GALNTL6: variants seen among roughly 807,000 people sequenced by gnomAD.
The protein encoded by GALNTL6 is polypeptide N-acetylgalactosaminyltransferase like 6, also known as polypeptide N-acetylgalactosaminyltransferase-like 6.
Under a neutral mutation model 73.7 loss-of-function variants are expected in GALNTL6, and 46 were observed. The observed-to-expected ratio is 0.62, with a 90% CI of 0.49 to 0.80. The LOEUF is 0.80. Ranked by LOEUF, GALNTL6 falls within the 30% of genes least tolerant of loss-of-function variation. The pLI is 0.00. For synonymous variants in GALNTL6, 259 were observed against 263.7 expected, an observed-to-expected ratio of 0.98 and a Z score of 0.17; for missense variants, 604 against 755.0, an observed-to-expected ratio of 0.80 and a Z score of 2.34.
chr4:172,239,279 A>G (rs955527572), intron 3 of GALNTL6, among the ~76,000 whole-genome samples: 1 of 152,084 alleles, frequency 6.6e-6, no homozygotes, highest in Non-Finnish European at 1.5e-5. Context: ...AGAATCAATT[A>G]TTGGTCTATT....
chr4:172,164,083 T>C (rs947059969), intron 2 of GALNTL6, among the ~76,000 whole-genome samples: 5 of 151,944 alleles, frequency 3.3e-5, no homozygotes, highest in African/African-American at 1.2e-4. Flanking sequence ...AACAGGGAGT[T>C]GATTATCTGG....
intron 2 of GALNTL6, among the ~76,000 whole-genome samples, chr4:171,865,472 C>T (rs573533976): frequency 1.3e-5 from 2 of 152,192 alleles, no homozygotes; most frequent in East Asian, 3.9e-4. Context: ...TGATGATATC[C>T]ATCAGTAATT....
chr4:172,026,779 C>T (rs1032986854), intron 2 of GALNTL6, among the ~76,000 whole-genome samples: 1 of 152,148 alleles, frequency 6.6e-6, no homozygotes. Flanking sequence ...TTGATTTGAA[C>T]ATTTTATGCA....
intron 2 of GALNTL6, among the ~76,000 whole-genome samples, chr4:172,029,576 A>G (rs1227721397): frequency 6.6e-6 from 1 of 152,064 alleles, no homozygotes; most frequent in Non-Finnish European, 1.5e-5. Context: ...TTGTTTCTGG[A>G]AAGTATTTCC....
intron 7 of GALNTL6, among the ~76,000 whole-genome samples, chr4:172,863,307 C>T (rs544435210): frequency 6.6e-6 from 1 of 152,250 alleles, no homozygotes; most frequent in Admixed American, 6.5e-5. Flanking sequence ...GATCCACTCA[C>T]AGCTTCCACC....
In GALNTL6 at chr4:171,985,704, C is replaced by G. The variant is rs552848262; in HGVS notation, c.138+170986C>G. Among the ~76,000 whole-genome samples the G allele has an allele frequency of 5.9e-5, 9 of 151,672 alleles. No individual in the cohort carries two copies. The East Asian group carries it at 1.7e-3, about 29-fold the overall frequency. On this transcript the variant is annotated intron_variant, in intron 2 of 12. Coordinates refer to ENST00000506823, the MANE Select transcript of GALNTL6 (RefSeq NM_001034845.3). ...AAAGCCTTTTAAAAATTAGGGCTGT[C>G]ACTGAAAATCTGGGAAATTTGGTAA...
intron 5 of GALNTL6, among the ~76,000 whole-genome samples, chr4:172,481,396 A>C (rs769069137): frequency 1.3e-5 from 2 of 151,984 alleles, no homozygotes; most frequent in Non-Finnish European, 2.9e-5. Context: ...AAAAGAGCAA[A>C]GCTTCCACAG....
At chr4:171,834,573 A>C (rs1735053198) in intron 2 of GALNTL6, among the ~76,000 whole-genome samples, 1 of 151,974 alleles carries the variant, frequency 6.6e-6, no homozygotes, top group African/African-American at 2.4e-5. Context: ...CATTTCATTT[A>C]CTGAGAGGAT....
intron 2 of GALNTL6, among the ~76,000 whole-genome samples, chr4:171,824,202 G>A (rs1734767310): frequency 6.6e-6 from 1 of 150,848 alleles, no homozygotes; most frequent in Admixed American, 6.6e-5. Flanking sequence ...ATCAACTATT[G>A]AGATTATATG....
chr4:172,828,889 G>A lies in GALNTL6; in HGVS notation c.923+15166G>A, dbSNP rs80209803. ...CTTCCATAACAAAGTACTACAAACT[G>A]AGAGGCTTGAAGTAAGTGAAACTTG... On this transcript the variant is annotated intron_variant, in intron 7 of 12. Coordinates refer to ENST00000506823, the MANE Select transcript of GALNTL6 (RefSeq NM_001034845.3). Among the ~76,000 whole-genome samples the A allele has an allele frequency of 3.5e-4, 53 of 152,310 alleles. 1 individual carries two copies. The East Asian group carries it at 9.6e-3, about 28-fold the overall frequency.
intron 2 of GALNTL6, among the ~76,000 whole-genome samples, chr4:171,890,948 A>C (rs190394686): frequency 2.4e-3 from 370 of 152,204 alleles, no homozygotes; most frequent in Admixed American, 4.4e-3. Flanking sequence ...AAATAACTTC[A>C]TGTTGTCGTC....
At chr4:172,256,841 T>TA (rs1461931255) in intron 3 of GALNTL6, among the ~76,000 whole-genome samples, 1 of 151,434 alleles carries the variant, frequency 6.6e-6, no homozygotes, top group Admixed American at 6.6e-5. Context: ...CACTAGAACA[T>TA]ACTCTCTGTG....
At chr4:172,323,204 G>T (rs1238907909) in intron 4 of GALNTL6, among the ~76,000 whole-genome samples, 34 of 152,104 alleles carry the variant, frequency 2.2e-4, no homozygotes, top group Admixed American at 2.2e-3. Context: ...AGGGATAACT[G>T]CATGGATAAA....
chr4:171,838,108 C>CTATT (rs57493491), intron 2 of GALNTL6, among the ~76,000 whole-genome samples: 51,954 of 149,438 alleles, frequency 0.35, 9,643 homozygotes, highest in African/African-American at 0.48. Context: ...TTGTTTCTGT[C>CTATT]TATTTATTTA....
At chr4:172,384,766 T>G (rs1283492590) in intron 5 of GALNTL6, among the ~76,000 whole-genome samples, 1 of 152,088 alleles carries the variant, frequency 6.6e-6, no homozygotes, top group East Asian at 1.9e-4. Context: ...TTTAGCTGCA[T>G]CCCAAAAGGT....
intron 2 of GALNTL6, among the ~76,000 whole-genome samples, chr4:172,156,538 AT>A (rs1734271989): frequency 1.4e-5 from 1 of 71,682 alleles, no homozygotes; most frequent in African/African-American, 6.6e-5. Flanking sequence ...ACATATATAT[AT>A]AATATATATA....
chr4:172,861,319 A>ATGTGTG lies in GALNTL6; in HGVS notation c.924-21439_924-21434dup, dbSNP rs10664817. Among the ~76,000 whole-genome samples, 976 of 146,350 alleles carry ATGTGTG rather than the reference A, an allele frequency of 6.7e-3. 3 individuals are homozygous for ATGTGTG. Among genetic ancestry groups the ATGTGTG allele is most frequent in the Non-Finnish European group, 8.6e-3 (577 of 67,318 alleles). The stretch of plus-strand genomic sequence containing the variant: ...GTTGTCTGGCTTGGTTTTTGCTTAC[A>ATGTGTG]TGTGTGTGTGTGTGTGTGTGTGTGT... On this transcript the variant is annotated intron_variant, in intron 7 of 12. Coordinates refer to ENST00000506823, the MANE Select transcript of GALNTL6 (RefSeq NM_001034845.3).
intron 2 of GALNTL6, among the ~76,000 whole-genome samples, chr4:172,032,890 T>A (rs1244214003): frequency 1.3e-5 from 2 of 152,088 alleles, no homozygotes; most frequent in Admixed American, 1.3e-4. Flanking sequence ...AGATATCTTA[T>A]TTCCATTTAA....
intron 5 of GALNTL6, among the ~76,000 whole-genome samples, chr4:172,486,329 T>A (rs916360341): frequency 3.9e-5 from 6 of 152,082 alleles, no homozygotes; most frequent in Non-Finnish European, 7.4e-5. Context: ...TCAAAGAAAG[T>A]TGTTGGGTCT....
Sources: allele counts gnomAD v4.1 joint callset (sites outside exome capture counted in the v4.1 genomes callset), GRCh38; gene constraint gnomAD v4.1.1; transcripts MANE v1.5; gene names NCBI Gene and HGNC (gene_info 2026-07-23, HGNC 2026-07-21).